The following CACNA2D3 variants were observed in gnomAD, a reference collection of about 807,000 sequenced individuals.
CACNA2D3 encodes calcium voltage-gated channel auxiliary subunit alpha2delta 3.
In CACNA2D3, 60 loss-of-function variants were observed where a neutral mutation model predicts 160.6. The ratio of observed to expected loss-of-function variants is 0.37; its 90% CI spans 0.30 to 0.46. The LOEUF is 0.46. CACNA2D3 is among the 20% of genes least tolerant of loss of function. CACNA2D3 has a pLI of 1.00. For missense variants in CACNA2D3, 1,205 were observed against 1,365.0 expected (o/e 0.88, Z 1.85); for synonymous variants, 558 against 492.9 (o/e 1.13, Z -1.75).
chr3:54,534,722 A>G (rs920874745), intron 5 of CACNA2D3, among the ~76,000 whole-genome samples: 11 of 152,080 alleles, frequency 7.2e-5, no homozygotes, highest in African/African-American at 2.7e-4. Flanking sequence ...CAGGAGTTAA[A>G]GAGCAGCCTG....
intron 5 of CACNA2D3, among the ~76,000 whole-genome samples, chr3:54,557,408 C>A (rs373769178): frequency 6.6e-6 from 1 of 152,242 alleles, no homozygotes; most frequent in African/African-American, 2.4e-5. Flanking sequence ...TCTTAGATTT[C>A]TAGGACCACC....
At chr3:54,629,693 G>C (rs574045945) in intron 10 of CACNA2D3, among the ~76,000 whole-genome samples, 1 of 152,326 alleles carries the variant, frequency 6.6e-6, no homozygotes, top group Admixed American at 6.5e-5. Flanking sequence ...CTGCTGGGCA[G>C]GTGCCTTCTT....
intron 11 of CACNA2D3, among the ~76,000 whole-genome samples, chr3:54,666,125 A>G (rs1282033607): frequency 1.3e-5 from 2 of 152,172 alleles, no homozygotes; most frequent in African/African-American, 4.8e-5. Flanking sequence ...GCTAGAGAAC[A>G]TGATGAGGAA....
At chr3:54,706,570 A>G (rs1700861071) in intron 11 of CACNA2D3, among the ~76,000 whole-genome samples, 1 of 152,270 alleles carries the variant, frequency 6.6e-6, no homozygotes, top group South Asian at 2.1e-4. Context: ...ACATGTTGCC[A>G]TTGAGACCAG....
At chr3:54,773,647 C>G (rs1702360937) in intron 13 of CACNA2D3, among the ~76,000 whole-genome samples, 1 of 152,180 alleles carries the variant, frequency 6.6e-6, no homozygotes, top group African/African-American at 2.4e-5. Flanking sequence ...TATTACAGTA[C>G]TTTATTTCCA....
chr3:54,151,721 C>T (rs569065196), intron 2 of CACNA2D3, among the ~76,000 whole-genome samples: 8 of 152,290 alleles, frequency 5.3e-5, no homozygotes, highest in Middle Eastern at 3.4e-3. Flanking sequence ...CATACTTATT[C>T]TTCTGTGATC....
At chr3:55,012,972 G>A (rs1395395478) in intron 34 of CACNA2D3, among the ~76,000 whole-genome samples, 1 of 152,084 alleles carries the variant, frequency 6.6e-6, no homozygotes, top group East Asian at 1.9e-4. Flanking sequence ...ATAATATGGT[G>A]CTTCAGTTCT....
Position 54,386,785 on chromosome 3 carries a change from A to G in CACNA2D3, c.381+11A>G. 1 of 1,584,348 alleles carries G rather than the reference A, an allele frequency of 6.3e-7. No homozygotes were observed. The highest frequency in any genetic ancestry group is 8.6e-7 in the Non-Finnish European group (1 of 1,163,732). ...GATGCAGACTTACAGGTAACTGATTATAGTTTGAGTTAAATTGTTTTGTGT... is the reference window on the plus strand; with the variant it reads ...GATGCAGACTTACAGGTAACTGATTGTAGTTTGAGTTAAATTGTTTTGTGT... On this transcript the variant is annotated intron_variant, in intron 4 of 37. Transcript: ENST00000474759.
chr3:54,532,147 A>G (rs758490515), intron 5 of CACNA2D3, among the ~76,000 whole-genome samples: 11 of 152,312 alleles, frequency 7.2e-5, no homozygotes, highest in South Asian at 4.1e-4. Flanking sequence ...GAGAGATCCA[A>G]TTGTTACTGT....
chr3:54,542,415 C>A (rs1174034908), intron 5 of CACNA2D3, among the ~76,000 whole-genome samples: 1 of 152,118 alleles, frequency 6.6e-6, no homozygotes, highest in Non-Finnish European at 1.5e-5. Flanking sequence ...TAAAGTCCCA[C>A]AATGGACCAT....
chr3:54,951,713 T>C (rs1701762610), intron 27 of CACNA2D3, among the ~76,000 whole-genome samples: 1 of 152,218 alleles, frequency 6.6e-6, no homozygotes, highest in African/African-American at 2.4e-5. Context: ...CCGTGTACCT[T>C]TTCTTTAATG....
intron 2 of CACNA2D3, among the ~76,000 whole-genome samples, chr3:54,263,029 C>T (rs776889118): frequency 2.4e-4 from 37 of 152,154 alleles, no homozygotes; most frequent in Non-Finnish European, 1.9e-4. Context: ...TATGACTTTG[C>T]AGAGAAATTT....
At chr3:54,130,145 C>G (rs538572114) in intron 2 of CACNA2D3, among the ~76,000 whole-genome samples, 1 of 152,212 alleles carries the variant, frequency 6.6e-6, no homozygotes, top group African/African-American at 2.4e-5. Flanking sequence ...GATGTGGCAG[C>G]AGAGCCTCAG....
At chr3:54,920,551 G>A (rs1311559599) in intron 27 of CACNA2D3, among the ~76,000 whole-genome samples, 13 of 152,170 alleles carry the variant, frequency 8.5e-5, no homozygotes, top group Admixed American at 6.5e-4. Context: ...GTTCAGAGCA[G>A]CTGCTCCAGA....
At chr3:54,155,156 G>C (rs1227323025) in intron 2 of CACNA2D3, among the ~76,000 whole-genome samples, 1 of 152,180 alleles carries the variant, frequency 6.6e-6, no homozygotes, top group Non-Finnish European at 1.5e-5. Flanking sequence ...GGTTATAGTG[G>C]TCAGGGTTTA....
Position 54,998,127 on chromosome 3 carries a change from C to CTT in CACNA2D3, c.2691-6618_2691-6617dup, listed in dbSNP as rs752805359. Among the ~76,000 whole-genome samples, 252 of 126,940 alleles carry CTT rather than the reference C, an allele frequency of 2.0e-3. 2 individuals are homozygous for CTT. Among genetic ancestry groups the CTT allele is most frequent in the South Asian group, 4.1e-3 (16 of 3,878 alleles). The allele number at this position is 126,940 out of a possible 152,430, so 83.3% of individuals were successfully genotyped here. Reference sequence around the variant, plus strand: ...GCTGACAGAAAGTAATCAATTAATTCTTTTTTTTTTTTTTTTTTTGAGATG... The same window carrying CTT: ...GCTGACAGAAAGTAATCAATTAATTCTTTTTTTTTTTTTTTTTTTTTGAGATG... On this transcript the variant is annotated intron_variant, in intron 31 of 37. Coordinates refer to ENST00000474759, the MANE Select transcript of CACNA2D3 (RefSeq NM_018398.3).
chr3:54,716,792 T>A (rs973755853), intron 11 of CACNA2D3, among the ~76,000 whole-genome samples: 41 of 152,312 alleles, frequency 2.7e-4, no homozygotes, highest in Middle Eastern at 3.4e-3. Flanking sequence ...CATAGTGAAT[T>A]TGGGGTCCCA....
At chr3:54,205,235 C>T (rs1052907843) in intron 2 of CACNA2D3, among the ~76,000 whole-genome samples, 1 of 152,078 alleles carries the variant, frequency 6.6e-6, no homozygotes, top group Non-Finnish European at 1.5e-5. Flanking sequence ...GAGGACTCAC[C>T]TAGTGTAATG....
At chr3:54,713,036 T>C (rs2106967382) in intron 11 of CACNA2D3, among the ~76,000 whole-genome samples, 1 of 152,284 alleles carries the variant, frequency 6.6e-6, no homozygotes, top group Middle Eastern at 3.4e-3. Flanking sequence ...CTCATAGGAA[T>C]GTTGTGATGA....
Sources: gnomAD v4.1 joint callset for allele counts (sites outside exome capture counted in the v4.1 genomes callset) on GRCh38, gnomAD v4.1.1 for gene constraint, MANE v1.5 for transcripts, NCBI Gene and HGNC (gene_info 2026-07-23, HGNC 2026-07-21) for gene names.